Variants in MVD observed in about 807,000 individuals in gnomAD.
The protein encoded by MVD is mevalonate diphosphate decarboxylase.
A neutral mutation model predicts 42.4 loss-of-function variants in MVD; 52 were observed. The observed-to-expected ratio is 1.23, with a 90% CI of 0.98 to 1.55. MVD has a LOEUF of 1.55. Among genes scored for constraint, MVD ranks in the 40% most tolerant of loss-of-function variants. The pLI, the probability that MVD is intolerant of heterozygous loss-of-function variation, is 0.00. For synonymous variants in MVD, 287 were observed against 243.2 expected (o/e 1.18, Z -1.68); for missense variants, 663 against 572.1 (o/e 1.16, Z -1.62).
At chr16:88,652,823 C>G (rs761390815) in intron 9 of MVD, among the ~76,000 whole-genome samples, 6 of 152,208 alleles carry the variant, frequency 3.9e-5, no homozygotes, top group Non-Finnish European at 8.8e-5. Flanking sequence ...GGCACTGCTT[C>G]TGTCACAGGG....
rs749607828 is a variant in MVD, at chr16:88,655,402, C to T, written c.694G>A (p.Val232Met). ...SPLLRFRAESVVPARMAEMAR... is the reference protein window; with the variant it reads ...SPLLRFRAESMVPARMAEMAR... The stretch of plus-strand genomic sequence containing the variant: ...ATCTCCGCCATGCGCGCGGGCACCA[C>T]GGACTCGGCCCGGAACTGCAAGGCA... Residue 232 changes from valine (V) to methionine (M), a missense_variant, in exon 7 of 10, where the codon GTG becomes ATG. Transcript: ENST00000301012. 33 of 1,580,172 alleles carry T rather than the reference C, an allele frequency of 2.1e-5. No homozygotes were observed. The Admixed American group carries it at 2.7e-4, about 13-fold the overall frequency.
intron 4 of MVD, 141 bp downstream of exon 4, chr16:88,657,295 C>T (rs760519906): frequency 3.3e-6 from 4 of 1,201,122 alleles, no homozygotes; most frequent in Non-Finnish European, 4.7e-6. Flanking sequence ...GACTGAACAA[C>T]TCCAGAGAGG....
Position 88,655,382 on chromosome 16 carries a change from C to T in MVD, c.714G>A (p.Ala238=), listed in dbSNP as rs147429419. 7.6e-5 allele frequency: 121 copies of T among 1,592,818 alleles called. 1 individual carries two copies. The African/African-American group carries it at 1.2e-3, about 16-fold the overall frequency. ...RAESVVPARM[A]EMARCIRERD... is the part of the protein sequence containing the mutation. ...GCTCCCGGATGCAGCGGGCCATCTC[C>T]GCCATGCGCGCGGGCACCACGGACT... The change falls in exon 7 of 10, where the codon GCG becomes GCA. Residue 238 remains alanine (A), a synonymous_variant. Transcript: ENST00000301012.
In MVD at chr16:88,652,448, C is replaced by T; in HGVS notation, c.*77G>A. The T allele has an allele frequency of 6.7e-7, 1 of 1,487,640 alleles. No homozygotes were observed. Among genetic ancestry groups the T allele is most frequent in the Middle Eastern group, 2.1e-4 (1 of 4,832 alleles). The allele number at this position is 1,487,640 out of a possible 1,614,324, so 92.2% of individuals were successfully genotyped here. A position where few individuals can be genotyped will look rare whatever the true frequency, so the allele number is the denominator to read the frequency against. On this transcript the variant is annotated 3_prime_UTR_variant, in exon 10 of 10. Coordinates refer to ENST00000301012, the MANE Select transcript of MVD (RefSeq NM_002461.3). ...CCACCCACATGTCCCAGGAGTCCGG[C>T]CAGCCCACCACATCCGCTCCCTAGC...
rs900640915 is a variant in MVD at position 88,652,531 on chromosome 16, A to G, written c.1197T>C (p.Ala399=). The change falls in exon 10 of 10, where the codon GCT becomes GCC. Residue 399 remains alanine (A), a synonymous_variant. Coordinates refer to ENST00000301012, the MANE Select transcript of MVD (RefSeq NM_002461.3). ...GCGGTCCCTGCTGAGGCAGTCAGGC[A>G]GCTGGCTTCGGCAGGCCGTCAGGAC... The part of the protein sequence containing the change: ...LLGPDGLPKP[A]A The G allele has an allele frequency of 1.9e-5, 30 of 1,571,466 alleles. No homozygotes were observed. The highest frequency in any genetic ancestry group is 2.5e-5 in the Non-Finnish European group (29 of 1,158,196).
At position 88,657,586 on chromosome 16, in the gene MVD, C is replaced by T; in HGVS notation, c.257-4G>A. 1 of 1,612,002 alleles carries T rather than the reference C, an allele frequency of 6.2e-7. No individual in the cohort carries two copies. The highest frequency in any genetic ancestry group is 1.7e-4 in the Middle Eastern group (1 of 6,058). On this transcript the variant is annotated splice_region_variant and splice_polypyrimidine_tract_variant and intron_variant, in intron 3 of 9. Coordinates refer to ENST00000301012, the MANE Select transcript of MVD (RefSeq NM_002461.3). ...CGCTTCCGGGCCAGGCAGCGGACTG[C>T]AGAGACAATGAGACAGCGTGTGGCC...
chr16:88,658,567 G>A, intron 2 of MVD, 83 bp downstream of exon 2: 6 of 1,385,854 alleles, frequency 4.3e-6, no homozygotes, highest in Non-Finnish European at 5.0e-6. Context: ...GCAGATGTGA[G>A]CCACCATACC....
At chr16:88,662,855 C>T (rs1042322269) in intron 1 of MVD, 156 bp downstream of exon 1, 52 of 1,435,130 alleles carry the variant, frequency 3.6e-5, no homozygotes, top group Non-Finnish European at 4.6e-5. Context: ...GCGGCCCCGC[C>T]CGACCACCGC....
At chr16:88,658,263 A>G (rs1264039134) in intron 2 of MVD, among the ~76,000 whole-genome samples, 2 of 151,744 alleles carry the variant, frequency 1.3e-5, no homozygotes, top group Non-Finnish European at 2.9e-5. Context: ...AGAGACGGGG[A>G]CTCCCAGGGG....
rs557689956 is a variant in MVD, at chr16:88,655,155, C to T, written c.897+44G>A. 4.0e-5 allele frequency: 62 copies of T among 1,542,794 alleles called. No homozygotes were observed. The South Asian group carries it at 4.9e-4, about 12-fold the overall frequency. On this transcript the variant is annotated intron_variant, in intron 7 of 9. Coordinates refer to ENST00000301012, the MANE Select transcript of MVD (RefSeq NM_002461.3). The stretch of plus-strand genomic sequence containing the variant: ...CCACGGCAGCACAAGCCTAGACACG[C>T]GCTACAGCGCGAGCGCAGCCTCTGC...
chr16:88,657,865 G>T, intron 3 of MVD, 50 bp downstream of exon 3: 1 of 1,564,638 alleles, frequency 6.4e-7, no homozygotes, highest in Non-Finnish European at 8.8e-7. Flanking sequence ...CTGGATGCTC[G>T]GACCCTGCTG....
intron 8 of MVD, chr16:88,653,640 C>T (rs185367203): frequency 9.8e-4 from 497 of 505,638 alleles, no homozygotes; most frequent in African/African-American, 8.1e-3. Context: ...CTCAACACCG[C>T]AGGATTATAT....
chr16:88,654,649 G>C (rs1369189402), intron 8 of MVD, 43 bp downstream of exon 8: 1 of 1,564,226 alleles, frequency 6.4e-7, no homozygotes. Context: ...AGAGTTCCTG[G>C]CACCATCTCC....
At position 88,652,755 on chromosome 16, in the gene MVD, C is replaced by T. The variant is rs1051804273; in HGVS notation, c.1123-150G>A. ...AAGGTAAAGCGCCTGAGTGGTGACA[C>T]CCACACGCAGCTCCTGCAGGCACAG... On this transcript the variant is annotated intron_variant, in intron 9 of 9. Coordinates refer to ENST00000301012, the MANE Select transcript of MVD (RefSeq NM_002461.3). 6.8e-6 allele frequency: 5 copies of T among 738,896 alleles called. No homozygotes were observed. The African/African-American group carries it at 8.9e-5, about 13-fold the overall frequency. 45.8% of individuals were successfully genotyped at this position (738,896 alleles called of 1,614,324 possible). A position where few individuals can be genotyped will look rare whatever the true frequency, so the allele number is the denominator to read the frequency against.
chr16:88,661,934 A>G (rs1438956430), intron 1 of MVD, among the ~76,000 whole-genome samples: 2 of 39,588 alleles, frequency 5.1e-5, no homozygotes, highest in African/African-American at 9.6e-5. Flanking sequence ...ACATATATCT[A>G]TACAGGTGTA....
intron 8 of MVD, among the ~76,000 whole-genome samples, chr16:88,653,770 C>T (rs189680932): frequency 1.3e-5 from 2 of 152,108 alleles, no homozygotes; most frequent in Non-Finnish European, 2.9e-5. Context: ...CAGGGAAGCG[C>T]CCAATTCAAG....
intron 8 of MVD, among the ~76,000 whole-genome samples, chr16:88,654,295 C>A (rs1035057371): frequency 6.6e-6 from 1 of 152,144 alleles, no homozygotes; most frequent in African/African-American, 2.4e-5. Context: ...CTCTAACTCG[C>A]TTCAGTAAGA....
At chr16:88,653,246 G>GC in intron 9 of MVD, 54 bp downstream of exon 9, 3 of 1,451,330 alleles carry the variant, frequency 2.1e-6, no homozygotes, top group Non-Finnish European at 1.9e-6. Flanking sequence ...GGCTGGGCGG[G>GC]CCCCCCTGGC....
chr16:88,652,147 G>A lies in MVD; in HGVS notation c.*378C>T. The A allele has an allele frequency of 3.0e-6, 1 of 338,876 alleles. No individual in the cohort carries two copies. Among genetic ancestry groups the A allele is most frequent in the South Asian group, 2.7e-5 (1 of 37,706 alleles). The allele number at this position is 338,876 out of a possible 1,614,324, so 21.0% of individuals were successfully genotyped here. A position where few individuals can be genotyped will look rare whatever the true frequency, so the allele number is the denominator to read the frequency against. ...CCAAGGAGGCTGCTCCCAGCACGGT[G>A]ACCCCTTCCCTGGTCCGCTGGAGGG... On this transcript the variant is annotated 3_prime_UTR_variant, in exon 10 of 10. Coordinates refer to ENST00000301012, the MANE Select transcript of MVD (RefSeq NM_002461.3).
Sources: gnomAD v4.1 joint callset for allele counts (sites outside exome capture counted in the v4.1 genomes callset) on GRCh38, gnomAD v4.1.1 for gene constraint, MANE v1.5 for transcripts, NCBI Gene and HGNC (gene_info 2026-07-23, HGNC 2026-07-21) for gene names.